The following IFT81 variants were observed in gnomAD, a reference collection of about 807,000 sequenced individuals.
IFT81 encodes intraflagellar transport 81.
IFT81 carries 72 observed loss-of-function variants against 102.6 expected under a neutral mutation model. That is an observed-to-expected ratio of 0.70 (90% CI 0.58 to 0.85). The LOEUF (loss-of-function observed/expected upper bound fraction) is 0.85, where lower values mean the gene tolerates loss of function less well. Ranked by LOEUF, IFT81 falls within the 40% of genes least tolerant of loss-of-function variation. The probability of loss-of-function intolerance (pLI) is 0.00; values close to 1 mark genes in which losing one functional copy is unlikely to be tolerated. For synonymous variants in IFT81, 237 were observed against 242.7 expected (o/e 0.98, Z 0.22); for missense variants, 723 against 787.3 (o/e 0.92, Z 0.98).
intron 10 of IFT81, among the ~76,000 whole-genome samples, chr12:110,155,701 C>T (rs1895802141): frequency 6.6e-6 from 1 of 152,148 alleles, no homozygotes; most frequent in Non-Finnish European, 1.5e-5. Flanking sequence ...TAAACAGCAA[C>T]TTCTGTCATT....
chr12:110,179,771 TATACAC>T (rs1259370378), intron 11 of IFT81, among the ~76,000 whole-genome samples: 4 of 52,780 alleles, frequency 7.6e-5, no homozygotes, highest in South Asian at 5.2e-4. Context: ...TATATATATA[TATACAC>T]ACACACACAC....
In IFT81 at chr12:110,205,614, G is replaced by A. The variant is rs545274333; in HGVS notation, c.1736G>A (p.Arg579His). 67 of 1,602,856 alleles carry A rather than the reference G, an allele frequency of 4.2e-5. No homozygotes were observed. Among genetic ancestry groups the A allele is most frequent in the South Asian group, 4.6e-5 (4 of 87,202 alleles). Residue 579 changes from arginine to histidine, a missense_variant, in exon 17 of 19, where the codon CGT becomes CAT. Physicochemically the swap from Arg to His is conservative, Grantham distance 29. Transcript: ENST00000242591. ...ATTTAGAACCTAGAAGTTCAACTTC[G>A]TCGTGCTACTGATGAGATGAAGGCA... ...CMIKNLEVQLRRATDEMKAYI... is the reference protein window; with the variant it reads ...CMIKNLEVQLHRATDEMKAYI...
At chr12:110,157,085 C>T (rs2137417567) in intron 10 of IFT81, among the ~76,000 whole-genome samples, 1 of 151,696 alleles carries the variant, frequency 6.6e-6, no homozygotes, top group Middle Eastern at 3.4e-3. Flanking sequence ...CACGGTGGCT[C>T]ATGCCTGTAA....
At chr12:110,156,346 T>C (rs1895835967) in intron 10 of IFT81, among the ~76,000 whole-genome samples, 1 of 151,480 alleles carries the variant, frequency 6.6e-6, no homozygotes, top group African/African-American at 2.4e-5. Context: ...CTTATACAGC[T>C]TTGAGTTACT....
intron 10 of IFT81, among the ~76,000 whole-genome samples, chr12:110,160,433 A>C (rs1896074271): frequency 6.6e-6 from 1 of 152,206 alleles, no homozygotes; most frequent in African/African-American, 2.4e-5. Flanking sequence ...CAAGGACAGG[A>C]GGAGAGGAAG....
chr12:110,148,666 G>C (rs1178316250), intron 10 of IFT81, among the ~76,000 whole-genome samples: 1 of 151,770 alleles, frequency 6.6e-6, no homozygotes. Context: ...GTAGAGACAG[G>C]GTTTCACCAT....
chr12:110,182,244 C>T (rs1268650808), intron 12 of IFT81, among the ~76,000 whole-genome samples: 2 of 152,154 alleles, frequency 1.3e-5, no homozygotes, highest in East Asian at 1.9e-4. Context: ...ATTAAATTTA[C>T]TCCACCCAGC....
intron 14 of IFT81, among the ~76,000 whole-genome samples, chr12:110,195,332 G>T (rs1303842912): frequency 6.6e-6 from 1 of 152,048 alleles, no homozygotes; most frequent in Non-Finnish European, 1.5e-5. Context: ...GAGAAGTCAT[G>T]AAATTGATAT....
intron 1 of IFT81, among the ~76,000 whole-genome samples, chr12:110,127,023 T>C (rs546211086): frequency 7.2e-5 from 11 of 152,346 alleles, no homozygotes; most frequent in Non-Finnish European, 1.5e-4. Context: ...TTTAGGAGCA[T>C]GTTTAATTCC....
chr12:110,187,306 C>T (rs1031689570), intron 12 of IFT81, among the ~76,000 whole-genome samples: 6 of 152,068 alleles, frequency 3.9e-5, no homozygotes, highest in African/African-American at 1.4e-4. Flanking sequence ...CTCTGTCACC[C>T]AGGCTAGAGT....
Position 110,174,294 on chromosome 12 carries a change from A to T in IFT81, c.1189-6128A>T, listed in dbSNP as rs571340229. Among the ~76,000 whole-genome samples, 321 of 148,806 alleles carry T rather than the reference A, an allele frequency of 2.2e-3. 1 individual carries two copies. Among genetic ancestry groups the T allele is most frequent in the Middle Eastern group, 0.01 (3 of 292 alleles). On this transcript the variant is annotated intron_variant, in intron 11 of 18. Coordinates refer to ENST00000242591, the MANE Select transcript of IFT81 (RefSeq NM_014055.4). ...CTCCGTCTCAAAAAAAAAAAAAAAA[A>T]AAAAAAAAAAAAATTAGCCGGGTGT... is the stretch of plus-strand genomic sequence containing the variant.
rs143403229 is a variant in IFT81, at chr12:110,125,247, G to A, written c.-22+386G>A. 5.3e-3 allele frequency among the ~76,000 whole-genome samples: 813 copies of A among 152,008 alleles called. 8 individuals are homozygous for A. The highest frequency in any genetic ancestry group is 0.018 in the African/African-American group (766 of 41,456). On this transcript the variant is annotated intron_variant, in intron 1 of 18. Coordinates refer to ENST00000242591, the MANE Select transcript of IFT81 (RefSeq NM_014055.4). ...ATATGGATTTTAAAAAAAAACTTAC[G>A]TAAAGGTTTTCCTTTTATAGCTTAA... is the stretch of plus-strand genomic sequence containing the variant.
chr12:110,200,638 A>T (rs955440091), intron 14 of IFT81, among the ~76,000 whole-genome samples: 4 of 152,120 alleles, frequency 2.6e-5, no homozygotes, highest in Admixed American at 2.0e-4. Context: ...TTAAAAAAAT[A>T]AAGTAACCTT....
chr12:110,126,051 G>A (rs1893820028), intron 1 of IFT81, among the ~76,000 whole-genome samples: 1 of 152,150 alleles, frequency 6.6e-6, no homozygotes, highest in African/African-American at 2.4e-5. Context: ...GGCCAAGGTG[G>A]GCGGATCACG....
intron 14 of IFT81, among the ~76,000 whole-genome samples, chr12:110,201,036 A>G (rs1314554240): frequency 6.6e-6 from 1 of 152,170 alleles, no homozygotes; most frequent in Non-Finnish European, 1.5e-5. Flanking sequence ...CTTAAAACAC[A>G]AGCACATTGT....
intron 9 of IFT81, among the ~76,000 whole-genome samples, chr12:110,145,623 G>A (rs1173742997): frequency 6.6e-6 from 1 of 150,934 alleles, no homozygotes; most frequent in Non-Finnish European, 1.5e-5. Context: ...TTTTAGTAGA[G>A]ATGGGGTTTC....
chr12:110,144,225 G>GT (rs1405030928), intron 9 of IFT81, among the ~76,000 whole-genome samples: 29 of 146,498 alleles, frequency 2.0e-4, no homozygotes, highest in Middle Eastern at 3.5e-3. Flanking sequence ...TTTGTTTTTT[G>GT]TTTTTTTTTG....
intron 16 of IFT81, 27 bp from the exon 17 acceptor site, chr12:110,205,567 TC>T: frequency 2.5e-6 from 4 of 1,588,384 alleles, no homozygotes; most frequent in Non-Finnish European, 2.6e-6. Flanking sequence ...ATCAAAGTCT[TC>T]CCTAAAACTG....
At chr12:110,157,291 G>A (rs191922299) in intron 10 of IFT81, among the ~76,000 whole-genome samples, 30 of 152,224 alleles carry the variant, frequency 2.0e-4, no homozygotes, top group African/African-American at 5.5e-4. Flanking sequence ...GGAGGTTGCC[G>A]TGAGCCAAGA....
Sources: gnomAD v4.1 joint callset for allele counts (sites outside exome capture counted in the v4.1 genomes callset) on GRCh38, gnomAD v4.1.1 for gene constraint, MANE v1.5 for transcripts, NCBI Gene and HGNC (gene_info 2026-07-23, HGNC 2026-07-21) for gene names.